AKAP19: variants seen among roughly 807,000 people sequenced by gnomAD.
AKAP19 encodes the protein A-kinase anchoring protein 19, also known as small A-kinase anchoring protein.
chr2:190,112,142 T>C, the AKAP19 span, among the ~76,000 whole-genome samples: 1 of 152,204 alleles, frequency 6.6e-6, no homozygotes, highest in Non-Finnish European at 1.5e-5. Flanking sequence ...TTTTTCATAT[T>C]GCTAGATTTA....
At chr2:189,931,993 A>G in the AKAP19 span, among the ~76,000 whole-genome samples, 2 of 152,178 alleles carry the variant, frequency 1.3e-5, no homozygotes, top group African/African-American at 4.8e-5. Flanking sequence ...TTCAAAGCAA[A>G]AGAAAAAAGT....
chr2:189,976,393 G>C, the AKAP19 span, among the ~76,000 whole-genome samples: 1 of 152,324 alleles, frequency 6.6e-6, no homozygotes, highest in Admixed American at 6.5e-5. Flanking sequence ...CCCTACTGGG[G>C]GGTGCCTCCC....
At chr2:189,936,259 TACACAC>T in the AKAP19 span, among the ~76,000 whole-genome samples, 4 of 149,038 alleles carry the variant, frequency 2.7e-5, no homozygotes, top group Admixed American at 6.7e-5. Flanking sequence ...GACTTGTTGA[TACACAC>T]ACACACACAC....
the AKAP19 span, among the ~76,000 whole-genome samples, chr2:190,010,303 T>G: frequency 7.9e-5 from 12 of 152,218 alleles, no homozygotes; most frequent in African/African-American, 2.9e-4. Flanking sequence ...GAATTTATCC[T>G]TTAATTGTGT....
chr2:189,959,315 G>A, the AKAP19 span, among the ~76,000 whole-genome samples: 1 of 152,110 alleles, frequency 6.6e-6, no homozygotes, highest in Non-Finnish European at 1.5e-5. Flanking sequence ...AAATAATGCT[G>A]TAAAAATGAG....
chr2:190,078,190 AG>A, the AKAP19 span, among the ~76,000 whole-genome samples: 1 of 152,078 alleles, frequency 6.6e-6, no homozygotes, highest in Non-Finnish European at 1.5e-5. Flanking sequence ...CTTTTCTCTT[AG>A]TTTTGTCCTC....
chr2:189,908,911 T>G, the AKAP19 span, among the ~76,000 whole-genome samples: 1 of 152,144 alleles, frequency 6.6e-6, no homozygotes, highest in Non-Finnish European at 1.5e-5. Flanking sequence ...GTTTCCTTAT[T>G]CATTTTCTGT....
chr2:190,012,858 TG>T, the AKAP19 span, among the ~76,000 whole-genome samples: 1 of 152,214 alleles, frequency 6.6e-6, no homozygotes, highest in Non-Finnish European at 1.5e-5. Flanking sequence ...CTGCATCTAG[TG>T]AGATAAATAT....
chr2:189,911,041 A>G, the AKAP19 span, among the ~76,000 whole-genome samples: 1 of 152,066 alleles, frequency 6.6e-6, no homozygotes, highest in East Asian at 1.9e-4. Context: ...GTTTATTTGA[A>G]TTGTTGGAAA....
chr2:190,108,090 T>G, the AKAP19 span, among the ~76,000 whole-genome samples: 1 of 152,212 alleles, frequency 6.6e-6, no homozygotes, highest in Non-Finnish European at 1.5e-5. Flanking sequence ...AAAAAGATAA[T>G]AAACTAATGC....
the AKAP19 span, among the ~76,000 whole-genome samples, chr2:190,113,590 A>G: frequency 3.3e-5 from 5 of 152,196 alleles, no homozygotes; most frequent in Non-Finnish European, 7.4e-5. Flanking sequence ...CTTATGACAT[A>G]TGGATAAACC....
the AKAP19 span, among the ~76,000 whole-genome samples, chr2:190,082,594 G>A: frequency 1.3e-5 from 2 of 152,208 alleles, no homozygotes; most frequent in Admixed American, 6.5e-5. Context: ...CTGTTTTCAC[G>A]GGCAGTTTTA....
the AKAP19 span, among the ~76,000 whole-genome samples, chr2:190,097,877 A>AAAAAAG: frequency 6.8e-5 from 10 of 147,700 alleles, no homozygotes; most frequent in Admixed American, 2.7e-4. Flanking sequence ...AAAAAAAAAA[A>AAAAAAG]AAAAGAAAAG....
At chr2:190,037,803 C>G in the AKAP19 span, among the ~76,000 whole-genome samples, 1 of 152,216 alleles carries the variant, frequency 6.6e-6, no homozygotes, top group Non-Finnish European at 1.5e-5. Context: ...ATATGTCTTT[C>G]TTTACGTTCT....
the AKAP19 span, among the ~76,000 whole-genome samples, chr2:190,185,752 A>G: frequency 6.6e-6 from 1 of 152,218 alleles, no homozygotes. Flanking sequence ...CTATCATCTA[A>G]TTGTTCAAAA....
At chr2:190,052,434 G>C in the AKAP19 span, among the ~76,000 whole-genome samples, 4 of 152,128 alleles carry the variant, frequency 2.6e-5, no homozygotes, top group African/African-American at 4.8e-5. Flanking sequence ...TTCTATCTCA[G>C]CATTATCAGG....
chr2:189,995,302 A>T, the AKAP19 span, among the ~76,000 whole-genome samples: 3 of 152,182 alleles, frequency 2.0e-5, no homozygotes, highest in South Asian at 6.2e-4. Context: ...CTCCAGTATT[A>T]GGTGCATATG....
At chr2:189,940,063 A>G in the AKAP19 span, among the ~76,000 whole-genome samples, 18 of 152,074 alleles carry the variant, frequency 1.2e-4, 1 homozygote, top group Admixed American at 9.8e-4. Context: ...GTGGATCACA[A>G]GGTCAGGAGA....
At chr2:190,111,735 G>A in the AKAP19 span, among the ~76,000 whole-genome samples, 1 of 152,138 alleles carries the variant, frequency 6.6e-6, no homozygotes, top group African/African-American at 2.4e-5. Flanking sequence ...ATATCCTGGG[G>A]TTGGGGGGGA....
Sources: gnomAD v4.1 joint callset for allele counts (sites outside exome capture counted in the v4.1 genomes callset) on GRCh38, gnomAD v4.1.1 for gene constraint, MANE v1.5 for transcripts, NCBI Gene and HGNC (gene_info 2026-07-23, HGNC 2026-07-21) for gene names.